The following AGPAT4 variants were observed in gnomAD, a reference collection of about 807,000 sequenced individuals.
The protein encoded by AGPAT4 is 1-acyl-sn-glycerol-3-phosphate acyltransferase delta.
Under a neutral mutation model 48.0 loss-of-function variants are expected in AGPAT4, and 15 were observed. The ratio of observed to expected loss-of-function variants is 0.31; its 90% CI spans 0.21 to 0.48. The LOEUF (loss-of-function observed/expected upper bound fraction) is 0.48, where lower values mean the gene tolerates loss of function less well. Among genes scored for constraint, AGPAT4 ranks in the 20% least tolerant of loss-of-function variants. The pLI is 0.99. For synonymous variants in AGPAT4, 178 were observed against 198.7 expected (o/e 0.90, Z 0.88); for missense variants, 314 against 482.5 (o/e 0.65, Z 3.27).
At chr6:161,191,468 C>T (rs753320599) in intron 2 of AGPAT4, among the ~76,000 whole-genome samples, 4 of 152,174 alleles carry the variant, frequency 2.6e-5, no homozygotes, top group Non-Finnish European at 5.9e-5. Context: ...CCAATCCCAC[C>T]TGCCCCACCA....
intron 2 of AGPAT4, among the ~76,000 whole-genome samples, chr6:161,186,231 A>G (rs139096432): frequency 6.6e-6 from 1 of 152,264 alleles, no homozygotes; most frequent in East Asian, 1.9e-4. Context: ...GCTTAAGATG[A>G]GTGAATCAGA....
rs144922847 is a variant in AGPAT4, at chr6:161,191,170, C to A, written c.179-24753G>T. Among the ~76,000 whole-genome samples the A allele has an allele frequency of 2.0e-5, 3 of 152,258 alleles. No homozygotes were observed. In the East Asian group the frequency reaches 5.8e-4, roughly 29 times the overall value. ...TTTACAAACATTATCTATGTAACAA[C>A]GCAGTTAGCATACACTTGACAGACG... On this transcript the variant is annotated intron_variant, in intron 2 of 8. Coordinates refer to ENST00000320285, the MANE Select transcript of AGPAT4 (RefSeq NM_020133.3).
chr6:161,167,478 C>T (rs1780136516), intron 2 of AGPAT4, among the ~76,000 whole-genome samples: 1 of 152,198 alleles, frequency 6.6e-6, no homozygotes, highest in Admixed American at 6.5e-5. Flanking sequence ...CCTACCTCAG[C>T]CTCCTAAAGT....
chr6:161,170,473 G>A (rs9456638), intron 2 of AGPAT4, among the ~76,000 whole-genome samples: 6,373 of 32,446 alleles, frequency 0.2, 204 homozygotes, highest in East Asian at 0.43. Context: ...GTGCGCGCGC[G>A]CACACACACA....
chr6:161,256,997 T>C (rs1472886235), intron 1 of AGPAT4, among the ~76,000 whole-genome samples: 1 of 152,192 alleles, frequency 6.6e-6, no homozygotes, highest in Non-Finnish European at 1.5e-5. Flanking sequence ...CCTTAGCCAG[T>C]GGGCGTGGAG....
chr6:161,152,583 C>T (rs1053503747), intron 5 of AGPAT4, among the ~76,000 whole-genome samples: 25 of 152,100 alleles, frequency 1.6e-4, no homozygotes, highest in African/African-American at 6.0e-4. Flanking sequence ...GTTCGGGGCC[C>T]CCTGCCCTTT....
At position 161,159,602 on chromosome 6, in the gene AGPAT4, C is replaced by A. The variant is rs1168945357; in HGVS notation, c.349-5292G>T. On this transcript the variant is annotated intron_variant, in intron 3 of 8. Transcript: ENST00000320285. This position sits in a 1 kb window ranked among gnomAD's most constrained non-coding sequence, Gnocchi z 4.1. The stretch of plus-strand genomic sequence containing the variant: ...TCAAAATAATGAATCAGTTTGTGTG[C>A]ACGCGTGCGTGTGTGTGTGTGTTCA... Among the ~76,000 whole-genome samples the A allele has an allele frequency of 6.6e-6, 1 of 152,172 alleles. No individual in the cohort carries two copies. Among genetic ancestry groups the A allele is most frequent in the East Asian group, 1.9e-4 (1 of 5,192 alleles).
In AGPAT4 at chr6:161,229,296, TG is replaced by T. The variant is rs1204145858; in HGVS notation, c.178+2739del. ...TGCTGATGACTGTCTAAGCTCAGAG[TG>T]ACTCATACACCAGAAGACACAATTA... On this transcript the variant is annotated intron_variant, in intron 2 of 8. Transcript: ENST00000320285. The surrounding 1 kb of genome is among the most constrained non-coding windows in gnomAD (Gnocchi z 6.0). 8.6e-5 allele frequency among the ~76,000 whole-genome samples: 13 copies of T among 151,776 alleles called. No homozygotes were observed. Among genetic ancestry groups the T allele is most frequent in the African/African-American group, 3.1e-4 (13 of 41,294 alleles).
intron 1 of AGPAT4, among the ~76,000 whole-genome samples, chr6:161,257,947 C>T (rs1358114073): frequency 1.3e-5 from 2 of 152,196 alleles, no homozygotes; most frequent in African/African-American, 4.8e-5. Flanking sequence ...TCAACTGACT[C>T]ACCCAGTAAC....
At position 161,246,385 on chromosome 6, in the gene AGPAT4, T is replaced by C. The variant is rs74746924; in HGVS notation, c.-89-14083A>G. ...GTTCTACTATATACTAACATTGCAT[T>C]AGACTTCTGAGCATAGGCACAGGGG... On this transcript the variant is annotated intron_variant, in intron 1 of 8. Transcript: ENST00000320285. This position sits in a 1 kb window ranked among gnomAD's most constrained non-coding sequence, Gnocchi z 5.5. Among the ~76,000 whole-genome samples the C allele has an allele frequency of 6.6e-6, 1 of 152,216 alleles. No individual in the cohort carries two copies. The highest frequency in any genetic ancestry group is 1.9e-4 in the East Asian group (1 of 5,174).
chr6:161,144,673 C>T lies in AGPAT4; in HGVS notation c.843+1851G>A. Among the ~76,000 whole-genome samples, 1 of 152,128 alleles carries T rather than the reference C, an allele frequency of 6.6e-6. No homozygotes were observed. Among genetic ancestry groups the T allele is most frequent in the East Asian group, 1.9e-4 (1 of 5,184 alleles). ...CTAAACCTTTTCTTAGCATACTCTG[C>T]TTTCGGCTAAAAGTAACATTTTCGG... On this transcript the variant is annotated intron_variant, in intron 7 of 8. Transcript: ENST00000320285. This position sits in a 1 kb window ranked among gnomAD's most constrained non-coding sequence, Gnocchi z 6.6.
chr6:161,225,823 G>C lies in AGPAT4; in HGVS notation c.178+6213C>G, dbSNP rs1168882572. Among the ~76,000 whole-genome samples, 1 of 152,208 alleles carries C rather than the reference G, an allele frequency of 6.6e-6. No homozygotes were observed. The highest frequency in any genetic ancestry group is 1.5e-5 in the Non-Finnish European group (1 of 68,036). On this transcript the variant is annotated intron_variant, in intron 2 of 8. Transcript: ENST00000320285. The surrounding 1 kb of genome is among the most constrained non-coding windows in gnomAD (Gnocchi z 5.0). ...CTCGTGGGCCGCTTGCTCAGTCCAG[G>C]AGGCAGGGCTTTGCCTTTGGGTTAG...
At chr6:161,252,953 C>T (rs1435360897) in intron 1 of AGPAT4, among the ~76,000 whole-genome samples, 3 of 152,050 alleles carry the variant, frequency 2.0e-5, no homozygotes, top group South Asian at 2.1e-4. Context: ...CTGTGGCTCA[C>T]GTCTGTAATC....
chr6:161,217,914 C>A lies in AGPAT4; in HGVS notation c.178+14122G>T, dbSNP rs79072282. ...TCTTGTTTGGATAACATGCAGAACT[C>A]ACCATCACTAGACTGTGACTGGGTT... On this transcript the variant is annotated intron_variant, in intron 2 of 8. Transcript: ENST00000320285. This position sits in a 1 kb window ranked among gnomAD's most constrained non-coding sequence, Gnocchi z 4.9. Among the ~76,000 whole-genome samples the A allele has an allele frequency of 3.5e-4, 53 of 152,348 alleles. No homozygotes were observed. Among genetic ancestry groups the A allele is most frequent in the African/African-American group, 1.1e-3 (46 of 41,580 alleles).
chr6:161,267,298 T>TGTTA lies in AGPAT4; in HGVS notation c.-90+6636_-90+6639dup, dbSNP rs1362464654. Among the ~76,000 whole-genome samples, 2 of 152,242 alleles carry TGTTA rather than the reference T, an allele frequency of 1.3e-5. No homozygotes were observed. Among genetic ancestry groups the TGTTA allele is most frequent in the Admixed American group, 1.3e-4 (2 of 15,282 alleles). On this transcript the variant is annotated intron_variant, in intron 1 of 8. Coordinates refer to ENST00000320285, the MANE Select transcript of AGPAT4 (RefSeq NM_020133.3). The surrounding 1 kb of genome is among the most constrained non-coding windows in gnomAD (Gnocchi z 5.2). ...AGTAGCTTGTCTTATAAAGTACTGC[T>TGTTA]GTTAGTTTTTCTCCAAATTCTAAAA... is the stretch of plus-strand genomic sequence containing the variant.
chr6:161,163,626 C>T (rs1780002359), intron 3 of AGPAT4, among the ~76,000 whole-genome samples: 1 of 152,318 alleles, frequency 6.6e-6, no homozygotes, highest in South Asian at 2.1e-4. Context: ...CCAGCCAGTG[C>T]CTGCCATGTG....
Position 161,154,457 on chromosome 6 carries a change from T to C in AGPAT4, c.349-147A>G, listed in dbSNP as rs2114967329. 5.7e-6 allele frequency: 5 copies of C among 884,282 alleles called. No individual in the cohort carries two copies. The highest frequency in any genetic ancestry group is 8.4e-6 in the Non-Finnish European group (5 of 593,216). 54.8% of individuals were successfully genotyped at this position (884,282 alleles called of 1,614,324 possible). A position where few individuals can be genotyped will look rare whatever the true frequency, so the allele number is the denominator to read the frequency against. ...CCCAGAACACATGCTGTCGAGGCCATGGACCCTGGTGCCCTCCCCACCTTT... is the reference window on the plus strand; with the variant it reads ...CCCAGAACACATGCTGTCGAGGCCACGGACCCTGGTGCCCTCCCCACCTTT... On this transcript the variant is annotated intron_variant, in intron 3 of 8. Coordinates refer to ENST00000320285, the MANE Select transcript of AGPAT4 (RefSeq NM_020133.3). This position sits in a 1 kb window ranked among gnomAD's most constrained non-coding sequence, Gnocchi z 7.8.
In AGPAT4 at chr6:161,264,302, A is replaced by T. The variant is rs1209345339; in HGVS notation, c.-90+9636T>A. 2.0e-5 allele frequency among the ~76,000 whole-genome samples: 3 copies of T among 152,034 alleles called. No homozygotes were observed. The highest frequency in any genetic ancestry group is 4.4e-5 in the Non-Finnish European group (3 of 68,010). ...GGGCCTCCCCTCCCAGAGCTGCAGG[A>T]TGCTCAGCCTCTCTCTGCTTCCTGC... On this transcript the variant is annotated intron_variant, in intron 1 of 8. Coordinates refer to ENST00000320285, the MANE Select transcript of AGPAT4 (RefSeq NM_020133.3). This position sits in a 1 kb window ranked among gnomAD's most constrained non-coding sequence, Gnocchi z 6.8.
At chr6:161,194,492 ATGTGTGTG>A (rs10586791) in intron 2 of AGPAT4, among the ~76,000 whole-genome samples, 1 of 147,784 alleles carries the variant, frequency 6.8e-6, no homozygotes, top group Admixed American at 6.8e-5. Context: ...GTATGTGTGT[ATGTGTGTG>A]TGTGCATGTA....
Sources: allele counts gnomAD v4.1 joint callset (sites outside exome capture counted in the v4.1 genomes callset), GRCh38; gene constraint gnomAD v4.1.1; non-coding constraint Gnocchi (gnomAD v3.1); transcripts MANE v1.5; gene names NCBI Gene and HGNC (gene_info 2026-07-23, HGNC 2026-07-21).